The following YES1 variants were observed in gnomAD, a reference collection of about 807,000 sequenced individuals.
The protein encoded by YES1 is YES proto-oncogene 1, Src family tyrosine kinase, also known as tyrosine-protein kinase Yes.
Under a neutral mutation model 70.4 loss-of-function variants are expected in YES1, and 39 were observed. The observed-to-expected ratio is 0.55, with a 90% CI of 0.43 to 0.72. YES1 has a LOEUF of 0.72. Among genes scored for constraint, YES1 ranks in the 30% least tolerant of loss-of-function variants. YES1 has a pLI of 0.00. For synonymous variants in YES1, 198 were observed against 218.6 expected (o/e 0.91, Z 0.83); for missense variants, 495 against 644.8 (o/e 0.77, Z 2.52).
At chr18:811,456 AAC>A (rs1019269448) in intron 1 of YES1, among the ~76,000 whole-genome samples, 1 of 152,210 alleles carries the variant, frequency 6.6e-6, no homozygotes, top group Non-Finnish European at 1.5e-5. Context: ...CAAGAAGAAA[AAC>A]ACACTTTAAG....
chr18:799,903 CAAAAAACAAAA>C lies in YES1; in HGVS notation c.-9+12200_-9+12210del, dbSNP rs200888546. On this transcript the variant is annotated intron_variant, in intron 1 of 11. Transcript: ENST00000314574. ...CTGTCTCAAAACAAACAAACAAAAACAAAAAACAAAAAAAAAAGAAGGTATGATTGCTGGAC... is the reference window on the plus strand; with the variant it reads ...CTGTCTCAAAACAAACAAACAAAAACAAAAAAGAAGGTATGATTGCTGGAC... Among the ~76,000 whole-genome samples, 687 of 148,628 alleles carry C rather than the reference CAAAAAACAAAA, an allele frequency of 4.6e-3. 4 individuals carry two copies. Among genetic ancestry groups the C allele is most frequent in the African/African-American group, 0.016 (656 of 40,334 alleles).
chr18:776,776 G>A (rs142911366), intron 1 of YES1, among the ~76,000 whole-genome samples: 7 of 152,234 alleles, frequency 4.6e-5, no homozygotes, highest in African/African-American at 1.7e-4. Flanking sequence ...AACCCAAGGA[G>A]GTTCTAAAAT....
At chr18:752,641 G>C (rs901909120) in intron 2 of YES1, among the ~76,000 whole-genome samples, 2 of 151,896 alleles carry the variant, frequency 1.3e-5, no homozygotes, top group East Asian at 3.9e-4. Context: ...AAAATGTCAT[G>C]TTTTGTCTTA....
chr18:732,364 C>T (rs893667190), intron 11 of YES1, among the ~76,000 whole-genome samples: 1 of 140,868 alleles, frequency 7.1e-6, no homozygotes, highest in Non-Finnish European at 1.5e-5. Flanking sequence ...TGCTTGAACC[C>T]GGGAGACAGG....
intron 1 of YES1, among the ~76,000 whole-genome samples, chr18:781,376 C>T (rs536245002): frequency 6.6e-6 from 1 of 151,948 alleles, no homozygotes; most frequent in South Asian, 2.1e-4. Flanking sequence ...TTTTCATAAA[C>T]GCTTGGCACA....
chr18:733,651 C>T (rs888462223), intron 10 of YES1, among the ~76,000 whole-genome samples: 2 of 151,778 alleles, frequency 1.3e-5, no homozygotes, highest in African/African-American at 4.8e-5. Flanking sequence ...GGCGAGGTGG[C>T]AGGAGCCTGT....
intron 1 of YES1, among the ~76,000 whole-genome samples, chr18:757,300 G>C (rs904725179): frequency 7.9e-5 from 12 of 151,392 alleles, no homozygotes; most frequent in South Asian, 2.1e-4. Context: ...TCAGGAGATT[G>C]AGACCATCCT....
At chr18:798,422 T>C (rs1906649804) in intron 1 of YES1, among the ~76,000 whole-genome samples, 1 of 152,206 alleles carries the variant, frequency 6.6e-6, no homozygotes, top group African/African-American at 2.4e-5. Flanking sequence ...TTGACATTTG[T>C]TATGAGTTTC....
At chr18:763,497 G>A (rs546942997) in intron 1 of YES1, among the ~76,000 whole-genome samples, 34 of 151,942 alleles carry the variant, frequency 2.2e-4, no homozygotes, top group Admixed American at 1.4e-3. Flanking sequence ...AAATTTGAGA[G>A]CAGCCTGGGC....
chr18:797,385 C>A (rs1461513581), intron 1 of YES1, among the ~76,000 whole-genome samples: 1 of 152,042 alleles, frequency 6.6e-6, no homozygotes, highest in African/African-American at 2.4e-5. Context: ...ATCCCTGGCT[C>A]TGTTTATCAC....
In YES1 at chr18:729,288, G is replaced by A. The variant is rs369751218; in HGVS notation, c.1423+3546C>T. 2.6e-4 allele frequency among the ~76,000 whole-genome samples: 40 copies of A among 152,080 alleles called. No individual in the cohort carries two copies. The East Asian group carries it at 7.0e-3, about 27-fold the overall frequency. On this transcript the variant is annotated intron_variant, in intron 11 of 11. Coordinates refer to ENST00000314574, the MANE Select transcript of YES1 (RefSeq NM_005433.4). ...TTGAGGGCCAGGCGGGGTGGCTCACGCCTGTAATCTCAGCTACTTGGGAGG... is the reference window on the plus strand; with the variant it reads ...TTGAGGGCCAGGCGGGGTGGCTCACACCTGTAATCTCAGCTACTTGGGAGG...
intron 11 of YES1, among the ~76,000 whole-genome samples, chr18:730,690 G>A (rs2080077505): frequency 6.6e-6 from 1 of 152,100 alleles, no homozygotes; most frequent in South Asian, 2.1e-4. Context: ...ATATAAATGG[G>A]CTTCCTTGAT....
intron 1 of YES1, among the ~76,000 whole-genome samples, chr18:793,911 C>G (rs1906402480): frequency 6.6e-6 from 1 of 151,962 alleles, no homozygotes; most frequent in Admixed American, 6.6e-5. Flanking sequence ...TAAGATAATC[C>G]ATAAGTCACT....
At chr18:783,252 T>C (rs1423541292) in intron 1 of YES1, among the ~76,000 whole-genome samples, 1 of 152,072 alleles carries the variant, frequency 6.6e-6, no homozygotes, top group Non-Finnish European at 1.5e-5. Context: ...ATACTGCATA[T>C]TTTAGCTACA....
intron 10 of YES1, among the ~76,000 whole-genome samples, chr18:734,404 A>T (rs79525137): frequency 6.6e-6 from 1 of 150,726 alleles, no homozygotes; most frequent in African/African-American, 2.4e-5. Flanking sequence ...AATACAAAAA[A>T]AAAAATTAGC....
chr18:788,660 T>G (rs770371644), intron 1 of YES1, among the ~76,000 whole-genome samples: 1 of 152,236 alleles, frequency 6.6e-6, no homozygotes, highest in Non-Finnish European at 1.5e-5. Context: ...GGCTCACGCC[T>G]GTAATCCCCG....
intron 6 of YES1, among the ~76,000 whole-genome samples, chr18:743,934 CAT>C (rs1371673102): frequency 1.4e-5 from 2 of 146,468 alleles, no homozygotes; most frequent in Admixed American, 6.9e-5. Context: ...TATATATATA[CAT>C]GTTATTACTT....
intron 11 of YES1, 74 bp from the exon 12 acceptor site, chr18:724,706 C>G: frequency 4.3e-6 from 5 of 1,154,510 alleles, no homozygotes; most frequent in Non-Finnish European, 6.4e-6. Context: ...AACCCCCTAG[C>G]CACTAACTCA....
In YES1 at chr18:771,384, C is replaced by T. The variant is rs189575591; in HGVS notation, c.-8-14549G>A. ...CTTTGTCTCAAAAAAAAAAAAAATT[C>T]ATTTGAGTGCAGAGGGTATTATTTC... On this transcript the variant is annotated intron_variant, in intron 1 of 11. Coordinates refer to ENST00000314574, the MANE Select transcript of YES1 (RefSeq NM_005433.4). 1.1e-4 allele frequency among the ~76,000 whole-genome samples: 16 copies of T among 151,744 alleles called. No individual in the cohort carries two copies. In the East Asian group the frequency reaches 3.1e-3, roughly 29 times the overall value.
Sources: allele counts gnomAD v4.1 joint callset (sites outside exome capture counted in the v4.1 genomes callset), GRCh38; gene constraint gnomAD v4.1.1; transcripts MANE v1.5; gene names NCBI Gene and HGNC (gene_info 2026-07-23, HGNC 2026-07-21).